Variants in PCYT1B observed in about 807,000 individuals in gnomAD.
PCYT1B encodes phosphate cytidylyltransferase 1B, choline.
Under a neutral mutation model 26.4 loss-of-function variants are expected in PCYT1B, and 10 were observed. That is an observed-to-expected ratio of 0.38 (90% CI 0.23 to 0.64). PCYT1B has a LOEUF of 0.64. PCYT1B is among the 30% of genes least tolerant of loss of function. The pLI is 0.56. For missense variants in PCYT1B, 161 were observed against 292.7 expected (o/e 0.55, Z 3.28); for synonymous variants, 131 against 108.4 (o/e 1.21, Z -1.29).
At chrX:24,566,921 A>T (rs1415316662) in intron 7 of PCYT1B, among the ~76,000 whole-genome samples, 1 of 111,735 alleles carries the variant, frequency 8.9e-6, no homozygotes, top group Non-Finnish European at 1.9e-5. Flanking sequence ...CTGCCAAAAG[A>T]TATCAAGCCC....
At chrX:24,660,224 A>G (rs1388553971) in intron 1 of PCYT1B, among the ~76,000 whole-genome samples, 1 of 112,498 alleles carries the variant, frequency 8.9e-6, no homozygotes, top group African/African-American at 3.2e-5. Context: ...TGGCTCTCAA[A>G]TAGAAAAAAA....
intron 3 of PCYT1B, among the ~76,000 whole-genome samples, chrX:24,592,905 C>T: frequency 8.9e-6 from 1 of 111,732 alleles, no homozygotes; most frequent in East Asian, 2.8e-4. Flanking sequence ...TTCCCCCTAC[C>T]CTCTTCTTTT....
At chrX:24,651,120 T>C (rs138818464), upstream of PCYT1B, among the ~76,000 whole-genome samples, 95 of 110,908 alleles carry the variant, frequency 8.6e-4, 1 homozygote, top group East Asian at 0.021. Context: ...TGTGGGGTTA[T>C]GGAAGATTTT....
chrX:24,565,856 C>T lies in PCYT1B; in HGVS notation c.898-3351G>A, dbSNP rs1443452661. 2.8e-5 allele frequency among the ~76,000 whole-genome samples: 3 copies of T among 106,258 alleles called. No individual in the cohort carries two copies. In the East Asian group the frequency reaches 8.7e-4, roughly 31 times the overall value. The allele number at this position is 106,258 out of a possible 115,157, so 92.3% of individuals were successfully genotyped here. A position where few individuals can be genotyped will look rare whatever the true frequency, so the allele number is the denominator to read the frequency against. On this transcript the variant is annotated intron_variant, in intron 7 of 7. Coordinates refer to ENST00000379144, the MANE Select transcript of PCYT1B (RefSeq NM_004845.5). ...TGGAATTTTTTGCAAAGTTTACCTA[C>T]AAATGATAGATCTCGGTATATAGAC...
chrX:24,611,312 G>T (rs1335549785), intron 2 of PCYT1B, among the ~76,000 whole-genome samples: 2 of 111,243 alleles, frequency 1.8e-5, no homozygotes, highest in Admixed American at 9.6e-5. Flanking sequence ...TTTTTAGTTT[G>T]TATGTTGATC....
chrX:24,663,843 C>T (rs1393516071), intron 1 of PCYT1B, among the ~76,000 whole-genome samples: 3 of 111,037 alleles, frequency 2.7e-5, no homozygotes, highest in Admixed American at 9.7e-5. Context: ...CACTTGAACT[C>T]GGGAGGTGGA....
intron 3 of PCYT1B, among the ~76,000 whole-genome samples, chrX:24,590,790 C>CTT (rs1226692293): frequency 0.016 from 1,181 of 75,247 alleles, 45 homozygotes; most frequent in African/African-American, 0.042. Flanking sequence ...TCACATCTCT[C>CTT]TTTTTTTTTT....
intron 1 of PCYT1B, among the ~76,000 whole-genome samples, chrX:24,643,927 A>G (rs1287907313): frequency 9.0e-6 from 1 of 111,707 alleles, no homozygotes; most frequent in Non-Finnish European, 1.9e-5. Context: ...CAGTAGCCAC[A>G]CTCTGTTGAT....
chrX:24,636,512 C>A lies in PCYT1B; in HGVS notation c.117+10477G>T, dbSNP rs777229485. Among the ~76,000 whole-genome samples the A allele has an allele frequency of 3.6e-5, 4 of 112,179 alleles. No individual in the cohort carries two copies. In the South Asian group the frequency reaches 1.5e-3, roughly 42 times the overall value. On this transcript the variant is annotated intron_variant, in intron 1 of 7. Transcript: ENST00000379144. ...CCTGTAATCCCAGCTACTCAAGAGG[C>A]TGAGGCAGAAGAACCGCTTGTAACT...
chrX:24,658,835 C>T (rs772741085), intron 1 of PCYT1B, among the ~76,000 whole-genome samples: 1 of 112,180 alleles, frequency 8.9e-6, no homozygotes, highest in East Asian at 2.8e-4. Flanking sequence ...CCTTATTCTT[C>T]CTATCACATC....
At chrX:24,566,345 G>T (rs1045901143) in intron 7 of PCYT1B, among the ~76,000 whole-genome samples, 1 of 112,087 alleles carries the variant, frequency 8.9e-6, no homozygotes, top group Non-Finnish European at 1.9e-5. Flanking sequence ...GGAGAATCAG[G>T]TTCTTAAATA....
intron 6 of PCYT1B, among the ~76,000 whole-genome samples, chrX:24,576,075 A>G (rs929925387): frequency 3.6e-5 from 4 of 112,494 alleles, no homozygotes; most frequent in African/African-American, 1.3e-4. Context: ...GTGACAATGC[A>G]TGCAAAGTGC....
chrX:24,581,294 C>T (rs181598920), intron 5 of PCYT1B, among the ~76,000 whole-genome samples: 1 of 111,576 alleles, frequency 9.0e-6, no homozygotes, highest in African/African-American at 3.3e-5. Context: ...ATCTCAGACC[C>T]TCTCCCTTTC....
rs944659320 is a variant in PCYT1B at position 24,669,133 on chromosome X, T to C, written c.63+3437A>G. Among the ~76,000 whole-genome samples, 5 of 112,175 alleles carry C rather than the reference T, an allele frequency of 4.5e-5. No individual in the cohort carries two copies. The South Asian group carries it at 1.1e-3, about 25-fold the overall frequency. On this transcript the variant is annotated intron_variant, in intron 1 of 7. Transcript: ENST00000379145. Reference sequence around the variant, plus strand: ...CTCAGCATATCTAAAAGAGATATTATGGTTTAAAGCAGAATTTTCTGCAAT... The same window carrying C: ...CTCAGCATATCTAAAAGAGATATTACGGTTTAAAGCAGAATTTTCTGCAAT...
At chrX:24,629,345 C>G (rs1256325162) in intron 1 of PCYT1B, among the ~76,000 whole-genome samples, 1 of 108,965 alleles carries the variant, frequency 9.2e-6, no homozygotes, top group South Asian at 4.0e-4. Context: ...GCAGGCAGAT[C>G]GCCTGAGTTC....
At chrX:24,569,386 C>T (rs773809363) in intron 7 of PCYT1B, among the ~76,000 whole-genome samples, 30 of 111,026 alleles carry the variant, frequency 2.7e-4, no homozygotes, top group Admixed American at 2.6e-3. Flanking sequence ...AACAGTAAGG[C>T]GGCTCCTCAA....
At chrX:24,651,680 G>A (rs1278957460), upstream of PCYT1B, among the ~76,000 whole-genome samples, 2 of 103,836 alleles carry the variant, frequency 1.9e-5, no homozygotes, top group Admixed American at 2.1e-4. Context: ...ACGCAACCAC[G>A]CCTGGCTAAT....
chrX:24,628,032 A>G (rs1004403967), intron 1 of PCYT1B, among the ~76,000 whole-genome samples: 3 of 111,835 alleles, frequency 2.7e-5, no homozygotes, highest in African/African-American at 9.7e-5. Flanking sequence ...CACCTATTAG[A>G]TCTCCAAGTG....
chrX:24,669,669 G>T (rs1927198891), intron 1 of PCYT1B, among the ~76,000 whole-genome samples: 1 of 108,909 alleles, frequency 9.2e-6, no homozygotes, highest in Non-Finnish European at 1.9e-5. Flanking sequence ...GAAATTGGAT[G>T]CTGGGAACCC....
Sources: gnomAD v4.1 joint callset for allele counts (sites outside exome capture counted in the v4.1 genomes callset) on GRCh38, gnomAD v4.1.1 for gene constraint, MANE v1.5 for transcripts, NCBI Gene and HGNC (gene_info 2026-07-23, HGNC 2026-07-21) for gene names.